The following ANKRD17 variants were observed in gnomAD, a reference collection of about 807,000 sequenced individuals.
ANKRD17 encodes the protein ankyrin repeat domain-containing protein 17.
A neutral mutation model predicts 229.7 loss-of-function variants in ANKRD17; 19 were observed. The observed-to-expected ratio is 0.08, with a 90% CI of 0.06 to 0.12. ANKRD17 has a LOEUF of 0.12. Among genes scored for constraint, ANKRD17 ranks in the 10% least tolerant of loss-of-function variants. The pLI is 1.00. For missense variants in ANKRD17, 2,176 were observed against 3,176.8 expected, an observed-to-expected ratio of 0.68 and a Z score of 7.57; for synonymous variants, 1,112 against 1,146.1, an observed-to-expected ratio of 0.97 and a Z score of 0.60.
chr4:73,249,633 G>C (rs1421911745), intron 1 of ANKRD17, among the ~76,000 whole-genome samples: 1 of 152,168 alleles, frequency 6.6e-6, no homozygotes, highest in East Asian at 1.9e-4. Context: ...GAGGGGGGCG[G>C]ATCCAAGGTC....
intron 22 of ANKRD17, among the ~76,000 whole-genome samples, chr4:73,116,967 A>T (rs10805059): frequency 0.55 from 83,803 of 151,840 alleles, 23,360 homozygotes; most frequent in South Asian, 0.67. Flanking sequence ...GCACTGCTCA[A>T]CTGAAGTCAA....
At chr4:73,228,616 C>T (rs1414342741) in intron 1 of ANKRD17, among the ~76,000 whole-genome samples, 4 of 152,164 alleles carry the variant, frequency 2.6e-5, no homozygotes, top group African/African-American at 9.7e-5. Context: ...CAGATGGATA[C>T]TATTATGCAT....
intron 1 of ANKRD17, among the ~76,000 whole-genome samples, chr4:73,219,707 T>A (rs978622613): frequency 6.6e-6 from 1 of 152,124 alleles, no homozygotes; most frequent in African/African-American, 2.4e-5. Flanking sequence ...TACCACAACC[T>A]ATAACATCAA....
At chr4:73,253,570 G>T (rs911578215) in intron 1 of ANKRD17, among the ~76,000 whole-genome samples, 2 of 152,168 alleles carry the variant, frequency 1.3e-5, no homozygotes, top group East Asian at 1.9e-4. Context: ...TTAAAAACTC[G>T]GCCAAGGTCA....
chr4:73,178,366 C>T (rs781151425), intron 1 of ANKRD17, among the ~76,000 whole-genome samples: 1 of 152,134 alleles, frequency 6.6e-6, no homozygotes, highest in Non-Finnish European at 1.5e-5. Context: ...TTTATGTGTA[C>T]TTCCCATTTT....
At chr4:73,100,497 GA>G (rs1211581177) in intron 25 of ANKRD17, among the ~76,000 whole-genome samples, 11 of 149,804 alleles carry the variant, frequency 7.3e-5, no homozygotes, top group Non-Finnish European at 1.2e-4. Flanking sequence ...TTTTCTCGGA[GA>G]AAAAAAAATT....
chr4:73,195,477 G>C (rs867967126), intron 1 of ANKRD17, among the ~76,000 whole-genome samples: 3 of 151,962 alleles, frequency 2.0e-5, no homozygotes, highest in Admixed American at 2.0e-4. Context: ...ATATGTGCAC[G>C]AAGTCATGTA....
chr4:73,102,246 A>C, intron 25 of ANKRD17, 130 bp downstream of exon 25: 1 of 928,012 alleles, frequency 1.1e-6, no homozygotes. Flanking sequence ...TACGGGCGTG[A>C]GCCACTGTGC....
chr4:73,164,670 T>C (rs1245149885), intron 2 of ANKRD17, among the ~76,000 whole-genome samples: 4 of 152,064 alleles, frequency 2.6e-5, no homozygotes, highest in Non-Finnish European at 5.9e-5. Flanking sequence ...CATGCGCCTA[T>C]AGTCCCAGCT....
intron 1 of ANKRD17, among the ~76,000 whole-genome samples, chr4:73,190,564 C>CAAAAAAAAAAAAAAAAAAAAAA (rs905807992): frequency 8.2e-6 from 1 of 121,842 alleles, no homozygotes; most frequent in African/African-American, 3.0e-5. Context: ...AAAAACAAAA[C>CAAAAAAAAAAAAAAAAAAAAAA]AAAAAAAAAA....
chr4:73,107,825 A>G (rs1396359835), intron 24 of ANKRD17, among the ~76,000 whole-genome samples: 1 of 152,174 alleles, frequency 6.6e-6, no homozygotes, highest in Non-Finnish European at 1.5e-5. Context: ...ACTGAGAGGG[A>G]AAGTCATTGT....
At chr4:73,213,277 A>C (rs938308874) in intron 1 of ANKRD17, among the ~76,000 whole-genome samples, 1 of 152,200 alleles carries the variant, frequency 6.6e-6, no homozygotes, top group South Asian at 2.1e-4. Flanking sequence ...TAGTTAGATG[A>C]ATAAGGTCAA....
chr4:73,095,727 G>A (rs181512203), intron 27 of ANKRD17, among the ~76,000 whole-genome samples: 1 of 149,678 alleles, frequency 6.7e-6, no homozygotes, highest in African/African-American at 2.5e-5. Context: ...GTCTCGTTCT[G>A]TACCCAGGCT....
At chr4:73,113,679 T>A (rs1283876318) in intron 24 of ANKRD17, 113 bp downstream of exon 24, 1 of 850,854 alleles carries the variant, frequency 1.2e-6, no homozygotes, top group Middle Eastern at 2.5e-4. Context: ...AAAGAAATCA[T>A]GTACGTAATT....
At chr4:73,118,881 T>TTA in intron 21 of ANKRD17, 31 bp from the exon 22 acceptor site, 2 of 221,930 alleles carry the variant, frequency 9.0e-6, no homozygotes, top group Non-Finnish European at 1.2e-5. Context: ...TAGCATTGTC[T>TTA]TTTTTTTTTT....
intron 28 of ANKRD17, among the ~76,000 whole-genome samples, chr4:73,093,186 T>C (rs1722949219): frequency 6.6e-6 from 1 of 152,192 alleles, no homozygotes; most frequent in South Asian, 2.1e-4. Context: ...ATATCTGCCA[T>C]GTAAAAAATA....
At chr4:73,198,811 A>G (rs1738246596) in intron 1 of ANKRD17, among the ~76,000 whole-genome samples, 1 of 152,170 alleles carries the variant, frequency 6.6e-6, no homozygotes, top group African/African-American at 2.4e-5. Context: ...ATGATACTCA[A>G]AGACATTCTC....
At chr4:73,086,919 A>AAAAAAAAAATATATATAT (rs1553911000) in intron 29 of ANKRD17, among the ~76,000 whole-genome samples, 2 of 12,464 alleles carry the variant, frequency 1.6e-4, no homozygotes, top group Non-Finnish European at 3.5e-4. Flanking sequence ...AAAAAAAAAA[A>AAAAAAAAAATATATATAT]ATATATATAT....
At chr4:73,077,883 C>A (rs909420137) in intron 31 of ANKRD17, among the ~76,000 whole-genome samples, 1 of 152,182 alleles carries the variant, frequency 6.6e-6, no homozygotes. Flanking sequence ...AGAAAGGTCA[C>A]ATGGGGACAG....
Sources: gnomAD v4.1 joint callset for allele counts (sites outside exome capture counted in the v4.1 genomes callset) on GRCh38, gnomAD v4.1.1 for gene constraint, MANE v1.5 for transcripts, NCBI Gene and HGNC (gene_info 2026-07-23, HGNC 2026-07-21) for gene names.